PCDH7: variants seen among roughly 807,000 people sequenced by gnomAD.
The protein encoded by PCDH7 is protocadherin 7.
In PCDH7, 17 loss-of-function variants were observed where a neutral mutation model predicts 58.9. That is an observed-to-expected ratio of 0.29 (90% CI 0.20 to 0.43). PCDH7 has a LOEUF of 0.43. PCDH7 is among the 20% of genes least tolerant of loss of function. PCDH7 has a pLI of 1.00. For missense variants in PCDH7, 1,274 were observed against 1,441.0 expected, an observed-to-expected ratio of 0.88 and a Z score of 1.88; for synonymous variants, 664 against 616.4, an observed-to-expected ratio of 1.08 and a Z score of -1.14.
chr4:30,889,563 A>G (rs1278452736), intron 1 of PCDH7, among the ~76,000 whole-genome samples: 2 of 152,132 alleles, frequency 1.3e-5, no homozygotes, highest in South Asian at 2.1e-4. Context: ...TGTTTGAGCT[A>G]CCATAACAAA....
chr4:31,044,525 G>T (rs1455088162), intron 3 of PCDH7, among the ~76,000 whole-genome samples: 1 of 151,896 alleles, frequency 6.6e-6, no homozygotes, highest in African/African-American at 2.4e-5. Context: ...TGACATTTCT[G>T]TGTTTTCTTA....
chr4:30,790,685 C>T (rs564148722), intron 1 of PCDH7, among the ~76,000 whole-genome samples: 1 of 152,220 alleles, frequency 6.6e-6, no homozygotes, highest in South Asian at 2.1e-4. Flanking sequence ...TTTGGGAGGC[C>T]AAGGTGAGAG....
rs140889830 is a variant in PCDH7, at chr4:30,928,473, A to G, written c.287+8104A>G. 5.3e-3 allele frequency among the ~76,000 whole-genome samples: 803 copies of G among 152,320 alleles called. 5 individuals are homozygous for G. Among genetic ancestry groups the G allele is most frequent in the Non-Finnish European group, 8.4e-3 (569 of 68,026 alleles). On this transcript the variant is annotated intron_variant, in intron 2 of 3. Coordinates refer to the PCDH7 transcript ENST00000509759. The stretch of plus-strand genomic sequence containing the variant: ...TTCAACAAACCAATACTGAAAATAA[A>G]ATATGACCAAGGCTTTCTGAGGAAA...
At position 30,723,141 on chromosome 4, in the gene PCDH7, G is replaced by A. The variant is rs1168648227; in HGVS notation, c.1719G>A (p.Ser573=). Residue 573 remains serine, a synonymous_variant, in exon 1 of 2, where the codon TCG becomes TCA. Coordinates refer to ENST00000361762, the Ensembl canonical transcript of PCDH7. The surrounding 1 kb of genome is among the most constrained non-coding windows in gnomAD (Gnocchi z 4.6). ...GTAAGAACGCCGAGATCGCCTACTC[G>A]CTGGACTCCTCTGTGATGGGGATCT... is the stretch of plus-strand genomic sequence containing the variant. 6 of 1,614,062 alleles carry A rather than the reference G, an allele frequency of 3.7e-6. No individual in the cohort carries two copies. The highest frequency in any genetic ancestry group is 5.1e-6 in the Non-Finnish European group (6 of 1,180,030).
intron 3 of PCDH7, among the ~76,000 whole-genome samples, chr4:30,976,208 C>A (rs1392299938): frequency 6.6e-6 from 1 of 151,942 alleles, no homozygotes; most frequent in African/African-American, 2.4e-5. Flanking sequence ...GGCTGCAGTG[C>A]AATGGCGTGA....
intron 3 of PCDH7, among the ~76,000 whole-genome samples, chr4:30,956,931 T>C (rs1386364674): frequency 5.9e-5 from 9 of 152,204 alleles, no homozygotes; most frequent in Admixed American, 4.6e-4. Context: ...CTAGGTAGCA[T>C]AGGCTGCTGT....
chr4:31,066,727 C>G (rs7686025), intron 3 of PCDH7, among the ~76,000 whole-genome samples: 89,369 of 151,648 alleles, frequency 0.59, 27,384 homozygotes, highest in African/African-American at 0.78. Flanking sequence ...CTTAACATCC[C>G]AAATATGCTT....
At chr4:30,898,008 G>A (rs1197618851) in intron 1 of PCDH7, among the ~76,000 whole-genome samples, 1 of 152,088 alleles carries the variant, frequency 6.6e-6, no homozygotes, top group African/African-American at 2.4e-5. Flanking sequence ...TCCTCCCAAA[G>A]GTACATTTGT....
At chr4:31,011,514 T>C (rs941586143) in intron 3 of PCDH7, among the ~76,000 whole-genome samples, 1 of 152,040 alleles carries the variant, frequency 6.6e-6, no homozygotes, top group African/African-American at 2.4e-5. Context: ...CTCTTTTCTA[T>C]TCTTCTTTTC....
intron 3 of PCDH7, among the ~76,000 whole-genome samples, chr4:30,992,793 CTT>C (rs577504420): frequency 0.048 from 4,568 of 95,398 alleles, 87 homozygotes; most frequent in East Asian, 0.24. Flanking sequence ...CTGTCCCATT[CTT>C]TTTTTTTTTT....
At chr4:31,092,951 C>T (rs1203492058) in intron 3 of PCDH7, among the ~76,000 whole-genome samples, 4 of 152,056 alleles carry the variant, frequency 2.6e-5, no homozygotes, top group Non-Finnish European at 5.9e-5. Context: ...GAAAATATTG[C>T]ATTCTGTCAT....
At chr4:30,852,787 G>T (rs1481447699) in intron 1 of PCDH7, among the ~76,000 whole-genome samples, 1 of 141,424 alleles carries the variant, frequency 7.1e-6, no homozygotes, top group Non-Finnish European at 1.5e-5. Context: ...TTGATGTGGA[G>T]CTGTCAGAAC....
intron 3 of PCDH7, among the ~76,000 whole-genome samples, chr4:31,108,981 T>A (rs1355623653): frequency 6.6e-6 from 1 of 152,210 alleles, no homozygotes; most frequent in East Asian, 1.9e-4. Flanking sequence ...TGTGTTGGGT[T>A]GCTTTGCTAA....
chr4:30,862,003 T>C (rs1734265772), intron 1 of PCDH7, among the ~76,000 whole-genome samples: 2 of 152,128 alleles, frequency 1.3e-5, no homozygotes, highest in Admixed American at 1.3e-4. Flanking sequence ...GAAGTCTGGC[T>C]TATCTATTAG....
At chr4:30,914,460 AATG>A (rs1335284141) in intron 1 of PCDH7, among the ~76,000 whole-genome samples, 1 of 152,224 alleles carries the variant, frequency 6.6e-6, no homozygotes, top group East Asian at 1.9e-4. Context: ...ATGCTTAATG[AATG>A]ATTAGATTCA....
At chr4:30,945,331 T>G (rs1746539694) in intron 2 of PCDH7, among the ~76,000 whole-genome samples, 1 of 152,074 alleles carries the variant, frequency 6.6e-6, no homozygotes, top group Non-Finnish European at 1.5e-5. Context: ...TTTTTAAATA[T>G]TACTCACAAA....
At chr4:30,736,397 T>C (rs1716263797), downstream of PCDH7, among the ~76,000 whole-genome samples, 1 of 151,650 alleles carries the variant, frequency 6.6e-6, no homozygotes, top group South Asian at 2.1e-4. Flanking sequence ...ATTAAAACTG[T>C]TTTTAATTTA....
At chr4:31,120,441 C>CTTTTTTTTTTTTTTTTTTTTT (rs138878762) in intron 3 of PCDH7, among the ~76,000 whole-genome samples, 2 of 107,996 alleles carry the variant, frequency 1.9e-5, no homozygotes, top group Non-Finnish European at 3.8e-5. Flanking sequence ...CTATTTTTTT[C>CTTTTTTTTTTTTTTTTTTTTT]TTTTTTTTTT....
intron 1 of PCDH7, among the ~76,000 whole-genome samples, chr4:30,797,417 C>G (rs978498225): frequency 4.6e-5 from 7 of 151,886 alleles, no homozygotes; most frequent in Non-Finnish European, 8.8e-5. Flanking sequence ...GGACTACAGG[C>G]GCCCGCCACC....
Sources: allele counts gnomAD v4.1 joint callset (sites outside exome capture counted in the v4.1 genomes callset), GRCh38; gene constraint gnomAD v4.1.1; non-coding constraint Gnocchi (gnomAD v3.1); transcripts MANE v1.5; gene names NCBI Gene and HGNC (gene_info 2026-07-23, HGNC 2026-07-21).